KIF5B: variants seen among roughly 807,000 people sequenced by gnomAD.
KIF5B encodes the protein kinesin-1 heavy chain.
KIF5B carries 49 observed loss-of-function variants against 132.8 expected under a neutral mutation model. That is an observed-to-expected ratio of 0.37 (90% CI 0.29 to 0.47). The LOEUF is 0.47. Ranked by LOEUF, KIF5B falls within the 20% of genes least tolerant of loss-of-function variation. The pLI is 1.00. For synonymous variants in KIF5B, 355 were observed against 369.4 expected (o/e 0.96, Z 0.45); for missense variants, 780 against 1,144.0 (o/e 0.68, Z 4.59).
chr10:32,030,841 C>T (rs1484589841), intron 14 of KIF5B, among the ~76,000 whole-genome samples: 1 of 152,054 alleles, frequency 6.6e-6, no homozygotes, highest in South Asian at 2.1e-4. Context: ...TAGCAAACAT[C>T]CTCTAAAACA....
intron 10 of KIF5B, among the ~76,000 whole-genome samples, chr10:32,035,247 C>A (rs1373353247): frequency 6.6e-6 from 1 of 152,120 alleles, no homozygotes; most frequent in Non-Finnish European, 1.5e-5. Context: ...AGGCTTTGAC[C>A]TCATTATTTG....
In KIF5B at chr10:32,030,588, G is replaced by A. The variant is rs11008739; in HGVS notation, c.1581+485C>T. On this transcript the variant is annotated intron_variant, in intron 14 of 25. Transcript: ENST00000302418. ...CTAAAAAGGCACTGTTCCACGTAGT[G>A]GAAATGTAACAGTAAGTAAAACATA... is the stretch of plus-strand genomic sequence containing the variant. Among the ~76,000 whole-genome samples, 745 of 151,886 alleles carry A rather than the reference G, an allele frequency of 4.9e-3. 10 individuals are homozygous for A. The highest frequency in any genetic ancestry group is 0.017 in the African/African-American group (708 of 41,434).
chr10:32,020,996 C>G, intron 19 of KIF5B, 26 bp downstream of exon 19: 1 of 1,301,182 alleles, frequency 7.7e-7, no homozygotes, highest in Non-Finnish European at 1.1e-6. Flanking sequence ...ATTCTTTCCT[C>G]CTAACTAGAG....
chr10:32,013,895 T>C (rs927468969), intron 25 of KIF5B, among the ~76,000 whole-genome samples: 1 of 152,236 alleles, frequency 6.6e-6, no homozygotes, highest in Non-Finnish European at 1.5e-5. Flanking sequence ...AAATCCTACA[T>C]TGTGTGAACA....
At chr10:32,042,348 T>C (rs1841553358) in intron 2 of KIF5B, among the ~76,000 whole-genome samples, 1 of 152,234 alleles carries the variant, frequency 6.6e-6, no homozygotes, top group South Asian at 2.1e-4. Context: ...CTTCAAAATC[T>C]TTTTATTTTT....
intron 2 of KIF5B, among the ~76,000 whole-genome samples, chr10:32,042,424 C>T (rs1841554291): frequency 6.6e-6 from 1 of 152,194 alleles, no homozygotes; most frequent in Admixed American, 6.5e-5. Context: ...TTCCACAACG[C>T]ACCCCCAAAA....
intron 1 of KIF5B, among the ~76,000 whole-genome samples, chr10:32,049,602 G>A (rs1162039391): frequency 2.6e-5 from 4 of 152,050 alleles, no homozygotes; most frequent in African/African-American, 4.8e-5. Context: ...ATATCAAAAC[G>A]GTTAAAAAGA....
At chr10:32,044,817 A>G (rs1028193123) in intron 2 of KIF5B, among the ~76,000 whole-genome samples, 1 of 152,250 alleles carries the variant, frequency 6.6e-6, no homozygotes, top group Admixed American at 6.5e-5. Context: ...GCCAAAAGTC[A>G]CACAGCAAGA....
chr10:32,044,698 GACA>G (rs1405814079), intron 2 of KIF5B, among the ~76,000 whole-genome samples: 8 of 151,718 alleles, frequency 5.3e-5, no homozygotes, highest in South Asian at 2.1e-4. Context: ...AAAAAAAGAA[GACA>G]ACGACAGAGG....
At chr10:32,053,048 G>T (rs371486344) in intron 1 of KIF5B, among the ~76,000 whole-genome samples, 9 of 152,110 alleles carry the variant, frequency 5.9e-5, no homozygotes, top group African/African-American at 2.2e-4. Flanking sequence ...TTTCAATTTT[G>T]ATCTAAATAG....
Position 32,034,120 on chromosome 10 carries a change from T to A in KIF5B, c.1112-82A>T, listed in dbSNP as rs993374255. The A allele has an allele frequency of 5.5e-6, 5 of 909,704 alleles. No individual in the cohort carries two copies. In the Admixed American group the frequency reaches 1.5e-4, roughly 27 times the overall value. 56.4% of individuals were successfully genotyped at this position (909,704 alleles called of 1,614,324 possible). ...TTTCATTCCTTTAAAAATTTTTTTT[T>A]TTTTTTTTGAGACAGAGTCTCAATC... On this transcript the variant is annotated intron_variant, in intron 11 of 25. Coordinates refer to ENST00000302418, the MANE Select transcript of KIF5B (RefSeq NM_004521.3).
At chr10:32,034,163 T>C (rs1592447466) in intron 11 of KIF5B, 125 bp from the exon 12 acceptor site, 6 of 590,734 alleles carry the variant, frequency 1.0e-5, no homozygotes, top group Non-Finnish European at 1.4e-5. Context: ...CTGGCTGGAG[T>C]GCAGTGGTGC....
chr10:32,046,995 C>G (rs533258446), intron 2 of KIF5B, among the ~76,000 whole-genome samples: 1 of 152,286 alleles, frequency 6.6e-6, no homozygotes, highest in East Asian at 1.9e-4. Flanking sequence ...CCATCTAACA[C>G]AAAGCCTATT....
chr10:32,051,723 G>C (rs1841697743), intron 1 of KIF5B, among the ~76,000 whole-genome samples: 1 of 152,182 alleles, frequency 6.6e-6, no homozygotes, highest in Admixed American at 6.5e-5. Flanking sequence ...GTAATACTAA[G>C]TAAGGCAAAT....
Position 32,045,533 on chromosome 10 carries a change from G to A in KIF5B, c.214+2931C>T, listed in dbSNP as rs77801960. ...TGAGCCCAAGTTTCTAGTTACTAAG[G>A]AGGATTACGTTCCAGGGATAAAAAT... On this transcript the variant is annotated intron_variant, in intron 2 of 25. Coordinates refer to ENST00000302418, the MANE Select transcript of KIF5B (RefSeq NM_004521.3). 8.3e-3 allele frequency among the ~76,000 whole-genome samples: 1,264 copies of A among 152,294 alleles called. 13 individuals carry two copies. Among genetic ancestry groups the A allele is most frequent in the African/African-American group, 0.029 (1,188 of 41,560 alleles).
chr10:32,018,750 G>A (rs553943927), intron 20 of KIF5B, among the ~76,000 whole-genome samples, 188 bp from the exon 21 acceptor site: 1 of 150,648 alleles, frequency 6.6e-6, no homozygotes, highest in East Asian at 1.9e-4. Context: ...TTTTGACACA[G>A]AGTTTCTGTC....
In KIF5B at chr10:32,055,840, T is replaced by C; in HGVS notation, c.126+8A>G. ...GCGGGAGGAGGGATGCCGGCGGGGG[T>C]CACTCACCGCGATCACGACCGTGTC... is the stretch of plus-strand genomic sequence containing the variant. On this transcript the variant is annotated splice_region_variant and intron_variant, in intron 1 of 25. Coordinates refer to ENST00000302418, the MANE Select transcript of KIF5B (RefSeq NM_004521.3). 4 of 1,601,950 alleles carry C rather than the reference T, an allele frequency of 2.5e-6. No individual in the cohort carries two copies. The highest frequency in any genetic ancestry group is 1.3e-5 in the African/African-American group (1 of 74,736).
At chr10:32,053,450 C>T (rs1356473666) in intron 1 of KIF5B, among the ~76,000 whole-genome samples, 1 of 149,764 alleles carries the variant, frequency 6.7e-6, no homozygotes, top group Admixed American at 6.7e-5. Flanking sequence ...CCAGGCCAGG[C>T]GTGGTGGCTC....
intron 14 of KIF5B, 110 bp downstream of exon 14, chr10:32,030,963 T>C: frequency 2.7e-6 from 2 of 738,912 alleles, no homozygotes; most frequent in Non-Finnish European, 4.4e-6. Context: ...TCCTTGAAAA[T>C]TGATGTTATC....
Sources: gnomAD v4.1 joint callset for allele counts (sites outside exome capture counted in the v4.1 genomes callset) on GRCh38, gnomAD v4.1.1 for gene constraint, MANE v1.5 for transcripts, NCBI Gene and HGNC (gene_info 2026-07-23, HGNC 2026-07-21) for gene names.